Variants in FAU observed in about 807,000 individuals in gnomAD.
The protein encoded by FAU is ubiquitin-like FUBI-ribosomal protein eS30 fusion protein.
For synonymous variants in FAU, 70 were observed against 69.9 expected (o/e 1.00, Z -0.01); for missense variants, 125 against 173.9 (o/e 0.72, Z 1.58).
Position 65,121,838 on chromosome 11 carries a change from C to A in FAU, c.-8-17G>T. On this transcript the variant is annotated splice_polypyrimidine_tract_variant and intron_variant, in intron 1 of 4. Transcript: ENST00000529639. ...TATTGGCGACTGAGTAAAGAAAAGA[C>A]GGCTTGTAAGAGAAGCCAAGAAATG... 2 of 1,613,002 alleles carry A rather than the reference C, an allele frequency of 1.2e-6. No homozygotes were observed. Among genetic ancestry groups the A allele is most frequent in the East Asian group, 2.2e-5 (1 of 44,880 alleles).
rs763201232 is a variant in FAU, at chr11:65,121,840, G to A, written c.-8-19C>T. ...TTGGCGACTGAGTAAAGAAAAGACG[G>A]CTTGTAAGAGAAGCCAAGAAATGCT... On this transcript the variant is annotated intron_variant, in intron 1 of 4. Transcript: ENST00000529639. The A allele has an allele frequency of 6.2e-7, 1 of 1,611,890 alleles. No individual in the cohort carries two copies. Among genetic ancestry groups the A allele is most frequent in the Non-Finnish European group, 8.5e-7 (1 of 1,178,188 alleles).
intron 3 of FAU, 81 bp from the exon 4 acceptor site, chr11:65,121,117 C>T: frequency 1.4e-6 from 2 of 1,443,554 alleles, no homozygotes; most frequent in South Asian, 1.2e-5. Context: ...CAATTCAAGC[C>T]TTTAAAGAGA....
chr11:65,121,395 G>T, intron 3 of FAU, 105 bp downstream of exon 3: 1 of 1,402,332 alleles, frequency 7.1e-7, no homozygotes, highest in Non-Finnish European at 9.7e-7. Context: ...AAGACAGTGA[G>T]AAGTACTCTA....
At chr11:65,121,421 C>A in intron 3 of FAU, 79 bp downstream of exon 3, 1 of 1,523,716 alleles carries the variant, frequency 6.6e-7, no homozygotes, top group Non-Finnish European at 8.9e-7. Flanking sequence ...ATAGGTGTGA[C>A]ACTCAGCTGT....
intron 3 of FAU, 70 bp downstream of exon 3, chr11:65,121,430 G>A (rs1013763098): frequency 1.9e-6 from 3 of 1,554,866 alleles, no homozygotes; most frequent in South Asian, 2.4e-5. Flanking sequence ...ACACTCAGCT[G>A]TCAGGACTAT....
intron 3 of FAU, 108 bp from the exon 4 acceptor site, chr11:65,121,144 T>A: frequency 9.0e-7 from 1 of 1,108,706 alleles, no homozygotes; most frequent in Non-Finnish European, 1.3e-6. Context: ...GCCCAATAGG[T>A]AATGAGAACA....
chr11:65,120,915 G>C, intron 4 of FAU, 66 bp downstream of exon 4: 1 of 1,610,246 alleles, frequency 6.2e-7, no homozygotes, highest in Non-Finnish European at 8.5e-7. Flanking sequence ...TAAGAGCCCA[G>C]GGACTTGGTT....
At position 65,122,076 on chromosome 11, in the gene FAU, G is replaced by A. The variant is rs1948054535; in HGVS notation, c.-9+14C>T. 1.7e-6 allele frequency: 1 copy of A among 601,150 alleles called. No individual in the cohort carries two copies. The highest frequency in any genetic ancestry group is 1.9e-5 in the African/African-American group (1 of 53,906). 37.2% of individuals were successfully genotyped at this position (601,150 alleles called of 1,614,324 possible). A position where few individuals can be genotyped will look rare whatever the true frequency, so the allele number is the denominator to read the frequency against. ...CTACAAGCCCTTCGGATCCAGCCAA[G>A]GCCCCATTCTTACCTGAACGGCGGT... On this transcript the variant is annotated intron_variant, in intron 1 of 4. Coordinates refer to ENST00000529639, the MANE Select transcript of FAU (RefSeq NM_001997.5).
chr11:65,121,194 T>TCAGGATCTTC (rs1948043619), intron 3 of FAU, 158 bp from the exon 4 acceptor site: 1 of 850,486 alleles, frequency 1.2e-6, no homozygotes, highest in Non-Finnish European at 1.8e-6. Context: ...AAGTTTCATT[T>TCAGGATCTTC]CAGGATCTTC....
chr11:65,121,434 G>A (rs1948046060), intron 3 of FAU, 66 bp downstream of exon 3: 2 of 1,564,280 alleles, frequency 1.3e-6, no homozygotes, highest in Admixed American at 1.8e-5. Context: ...TCAGCTGTCA[G>A]GACTATGCAC....
At position 65,121,547 on chromosome 11, in the gene FAU, C is replaced by T. The variant is rs762265515; in HGVS notation, c.173G>A (p.Gly58Glu). 3.7e-6 allele frequency: 6 copies of T among 1,614,016 alleles called. No individual in the cohort carries two copies. The Admixed American group carries it at 6.7e-5, about 18-fold the overall frequency. ...LEDEATLGQC[G>E]VEALTTLEVA... ...TTCCAGGGTAGTCAGGGCCTCCACC[C>T]CGCACTGGCCCAGAGTGGCCTCATC... is the stretch of plus-strand genomic sequence containing the variant. The change falls in exon 3 of 5, where the codon GGG becomes GAG. Residue 58 changes from glycine (G) to glutamate (E), a missense_variant. Physicochemically the swap from Gly to Glu is moderately conservative, Grantham distance 98. Coordinates refer to ENST00000529639, the MANE Select transcript of FAU (RefSeq NM_001997.5).
Position 65,120,970 on chromosome 11 carries a change from C to A in FAU, c.276+11G>T. 6.2e-7 allele frequency: 1 copy of A among 1,614,132 alleles called. No individual in the cohort carries two copies. Among genetic ancestry groups the A allele is most frequent in the Non-Finnish European group, 8.5e-7 (1 of 1,180,002 alleles). ...AGTCCTAACACCATGACCACTAATACTCTCACTCACCTTAGGAGTCTGACC... is the reference window on the plus strand; with the variant it reads ...AGTCCTAACACCATGACCACTAATAATCTCACTCACCTTAGGAGTCTGACC... On this transcript the variant is annotated intron_variant, in intron 4 of 4. Coordinates refer to ENST00000529639, the MANE Select transcript of FAU (RefSeq NM_001997.5).
chr11:65,121,943 G>A (rs1948053002), intron 1 of FAU, 122 bp from the exon 2 acceptor site: 2 of 1,012,480 alleles, frequency 2.0e-6, no homozygotes, highest in Middle Eastern at 2.3e-4. Flanking sequence ...CGGCTCACGT[G>A]GGGAAGGCCA....
intron 4 of FAU, 28 bp downstream of exon 4, chr11:65,120,953 C>T (rs1274294390): frequency 6.2e-7 from 1 of 1,613,780 alleles, no homozygotes; most frequent in South Asian, 1.1e-5. Context: ...AAAGTCCTAA[C>T]ACCATGACCA....
chr11:65,121,387 G>T, intron 3 of FAU, 113 bp downstream of exon 3: 2 of 1,368,608 alleles, frequency 1.5e-6, no homozygotes, highest in Non-Finnish European at 1.0e-6. Flanking sequence ...CTGAACTGAA[G>T]ACAGTGAGAA....
In FAU at chr11:65,121,819, C is replaced by G. The variant is rs765140554; in HGVS notation, c.-6G>C. 2.2e-5 allele frequency: 36 copies of G among 1,613,878 alleles called. No homozygotes were observed. The highest frequency in any genetic ancestry group is 2.9e-5 in the Non-Finnish European group (34 of 1,179,946). On this transcript the variant is annotated splice_region_variant and 5_prime_UTR_variant, in exon 2 of 5. Transcript: ENST00000529639. ...GCGCGGACAAAGAGCTGCATATTGG[C>G]GACTGAGTAAAGAAAAGACGGCTTG...
chr11:65,121,731 A>AGCT lies in FAU; in HGVS notation c.75+7_75+8insAGC, dbSNP rs1448914371. The AGCT allele has an allele frequency of 6.2e-7, 1 of 1,614,082 alleles. No homozygotes were observed. Among genetic ancestry groups the AGCT allele is most frequent in the East Asian group, 2.2e-5 (1 of 44,888 alleles). ...AAATGGAACCCAGGGCGCACCAAGC[A>AGCT]GCCTTACCTTGATCTGGGCGACCGT... On this transcript the variant is annotated splice_region_variant and intron_variant, in intron 2 of 4. Transcript: ENST00000529639.
intron 3 of FAU, 95 bp downstream of exon 3, chr11:65,121,405 A>G (rs1948045829): frequency 6.8e-7 from 1 of 1,462,960 alleles, no homozygotes; most frequent in South Asian, 1.3e-5. Context: ...GAAGTACTCT[A>G]TTACCATAGG....
In FAU at chr11:65,121,562, G is replaced by A. The variant is rs13807; in HGVS notation, c.158C>T (p.Thr53Ile). The A allele has an allele frequency of 0.012, 19,913 of 1,614,040 alleles. 182 individuals are homozygous for A. Among genetic ancestry groups the A allele is most frequent in the Non-Finnish European group, 0.015 (17,826 of 1,180,020 alleles). ...GGCCTCCACCCCGCACTGGCCCAGA[G>A]TGGCCTCATCCTCCAGGGGCGCGCC... ...LAGAPLEDEA[T>I]LGQCGVEALT... The change falls in exon 3 of 5, where the codon ACT (threonine) becomes ATT (isoleucine). Residue 53 changes from threonine to isoleucine, a missense_variant. Coordinates refer to ENST00000529639, the MANE Select transcript of FAU (RefSeq NM_001997.5).
Sources: gnomAD v4.1 joint callset for allele counts on GRCh38, gnomAD v4.1.1 for gene constraint, MANE v1.5 for transcripts, NCBI Gene and HGNC (gene_info 2026-07-23, HGNC 2026-07-21) for gene names.